Variants in SUPV3L1 observed in about 807,000 individuals in gnomAD.
SUPV3L1 encodes ATP-dependent RNA helicase SUPV3L1, mitochondrial.
In SUPV3L1, 35 loss-of-function variants were observed where a neutral mutation model predicts 70.0. The ratio of observed to expected loss-of-function variants is 0.50; its 90% CI spans 0.38 to 0.66. The LOEUF is 0.66. SUPV3L1 is among the 30% of genes least tolerant of loss of function. The pLI, the probability that SUPV3L1 is intolerant of heterozygous loss-of-function variation, is 0.00. For synonymous variants in SUPV3L1, 364 were observed against 341.9 expected, an observed-to-expected ratio of 1.06 and a Z score of -0.71; for missense variants, 777 against 961.5, an observed-to-expected ratio of 0.81 and a Z score of 2.54.
chr10:69,188,003 G>A (rs1842280201), intron 4 of SUPV3L1, among the ~76,000 whole-genome samples: 2 of 152,128 alleles, frequency 1.3e-5, no homozygotes, highest in South Asian at 4.1e-4. Flanking sequence ...TAAGGATGTT[G>A]TCCTTAAGTG....
At chr10:69,195,576 G>A (rs1176713267) in intron 7 of SUPV3L1, among the ~76,000 whole-genome samples, 2 of 152,096 alleles carry the variant, frequency 1.3e-5, no homozygotes, top group Non-Finnish European at 2.9e-5. Flanking sequence ...TGCATATGGT[G>A]TTTTGAGAAC....
chr10:69,189,646 C>CT (rs34718589), intron 5 of SUPV3L1, among the ~76,000 whole-genome samples: 8,854 of 124,998 alleles, frequency 0.071, 546 homozygotes, highest in South Asian at 0.13. Flanking sequence ...GCTATCAATT[C>CT]TTTTTTTTTT....
chr10:69,186,130 G>T (rs1842221789), intron 2 of SUPV3L1, 66 bp downstream of exon 2: 1 of 1,385,510 alleles, frequency 7.2e-7, no homozygotes, highest in Non-Finnish European at 1.0e-6. Context: ...GGTCAGGACT[G>T]TACGACCCCT....
At chr10:69,194,309 C>T (rs755036688) in intron 6 of SUPV3L1, among the ~76,000 whole-genome samples, 3 of 151,730 alleles carry the variant, frequency 2.0e-5, no homozygotes, top group Non-Finnish European at 4.4e-5. Context: ...GAGTTCGAGA[C>T]CAGCCTGAGT....
intron 5 of SUPV3L1, 21 bp from the exon 6 acceptor site, chr10:69,191,634 G>T: frequency 6.3e-7 from 1 of 1,596,776 alleles, no homozygotes. Context: ...AATAATTCTA[G>T]TTTTTTTTCT....
intron 6 of SUPV3L1, 148 bp from the exon 7 acceptor site, chr10:69,195,040 A>G (rs1842504537): frequency 3.6e-6 from 2 of 556,710 alleles, no homozygotes; most frequent in East Asian, 5.9e-5. Context: ...AGAGGAGGTA[A>G]AACACTTAGA....
rs1247868843 is a variant in SUPV3L1, at chr10:69,193,092, G to GCAAGCAAACAGAAGAAAA, written c.853+1330_853+1347dup. 1.4e-4 allele frequency: 22 copies of GCAAGCAAACAGAAGAAAA among 152,164 alleles called. 1 individual carries two copies. In the South Asian group the frequency reaches 3.9e-3, roughly 27 times the overall value. 9.4% of individuals were successfully genotyped at this position (152,164 alleles called of 1,614,324 possible). A position where few individuals can be genotyped will look rare whatever the true frequency, so the allele number is the denominator to read the frequency against. The stretch of plus-strand genomic sequence containing the variant: ...CATTATTGAAAATATAAAAATGTAA[G>GCAAGCAAACAGAAGAAAA]CAAGCAAACAGAAGAAAACAAATGT... On this transcript the variant is annotated intron_variant, in intron 6 of 14. Transcript: ENST00000359655.
rs201999661 is a variant in SUPV3L1 at position 69,191,776 on chromosome 10, T to C, written c.853+10T>C. ...AGTGTTACAACTCCTTGTATGTATA[T>C]GCTGTTTAAGAAACTATGGTTTGGT... On this transcript the variant is annotated intron_variant, in intron 6 of 14. Transcript: ENST00000359655. 1.4e-4 allele frequency: 221 copies of C among 1,596,826 alleles called. 2 individuals carry two copies. In the Admixed American group the frequency reaches 3.6e-3, roughly 26 times the overall value.
intron 7 of SUPV3L1, among the ~76,000 whole-genome samples, chr10:69,196,504 GAAAA>G (rs570659205): frequency 7.4e-6 from 1 of 134,586 alleles, no homozygotes; most frequent in Non-Finnish European, 1.6e-5. Flanking sequence ...CTGTCTCATG[GAAAA>G]AAAAAAAAAG....
chr10:69,202,560 G>A (rs117761164), intron 12 of SUPV3L1, 41 bp downstream of exon 12: 29,099 of 1,559,778 alleles, frequency 0.019, 354 homozygotes, highest in Non-Finnish European at 0.022. Context: ...TAAAAATGTT[G>A]ATATGTCAGG....
chr10:69,180,623 G>A (rs1842027885), intron 1 of SUPV3L1, 61 bp downstream of exon 1: 2 of 1,587,650 alleles, frequency 1.3e-6, no homozygotes, highest in East Asian at 2.2e-5. Context: ...AGGCTGGTTG[G>A]GAGGAAGCTA....
At chr10:69,180,680 G>A in intron 1 of SUPV3L1, 118 bp downstream of exon 1, 4 of 1,345,460 alleles carry the variant, frequency 3.0e-6, no homozygotes, top group Middle Eastern at 2.2e-4. Flanking sequence ...TGTTGTCATC[G>A]TGCCTCTCAG....
At chr10:69,193,985 C>G (rs565963056) in intron 6 of SUPV3L1, among the ~76,000 whole-genome samples, 1 of 152,208 alleles carries the variant, frequency 6.6e-6, no homozygotes, top group Non-Finnish European at 1.5e-5. Context: ...ATTCCTTCCA[C>G]TTCACTTTCT....
At chr10:69,201,621 A>G (rs911144585) in intron 11 of SUPV3L1, among the ~76,000 whole-genome samples, 20 of 150,996 alleles carry the variant, frequency 1.3e-4, no homozygotes, top group African/African-American at 4.1e-4. Flanking sequence ...GGTAACCCCA[A>G]TCTCCTGAGC....
At chr10:69,199,477 G>A (rs549661667) in intron 10 of SUPV3L1, among the ~76,000 whole-genome samples, 1 of 152,214 alleles carries the variant, frequency 6.6e-6, no homozygotes, top group South Asian at 2.1e-4. Flanking sequence ...GAACTCCTGG[G>A]CCCAAGTGAT....
At chr10:69,203,891 A>G (rs1339580954) in intron 13 of SUPV3L1, among the ~76,000 whole-genome samples, 2 of 150,554 alleles carry the variant, frequency 1.3e-5, no homozygotes, top group South Asian at 4.2e-4. Context: ...ATGCCCAGCT[A>G]ATTTTTGCAT....
intron 12 of SUPV3L1, 119 bp downstream of exon 12, chr10:69,202,638 T>C: frequency 8.5e-7 from 1 of 1,179,978 alleles, no homozygotes; most frequent in East Asian, 2.5e-5. Context: ...TTTATAAAAT[T>C]TATTTTACAA....
intron 4 of SUPV3L1, among the ~76,000 whole-genome samples, 195 bp downstream of exon 4, chr10:69,187,951 G>A (rs1341788307): frequency 6.6e-6 from 1 of 152,058 alleles, no homozygotes; most frequent in Non-Finnish European, 1.5e-5. Context: ...GATTGAGTGT[G>A]GTTTTAGGTT....
chr10:69,191,790 C>A (rs2132280977), intron 6 of SUPV3L1, 24 bp downstream of exon 6: 1 of 1,529,746 alleles, frequency 6.5e-7, no homozygotes, highest in Non-Finnish European at 9.0e-7. Flanking sequence ...GTTTAAGAAA[C>A]TATGGTTTGG....
Sources: allele counts gnomAD v4.1 joint callset (sites outside exome capture counted in the v4.1 genomes callset), GRCh38; gene constraint gnomAD v4.1.1; transcripts MANE v1.5; gene names NCBI Gene and HGNC (gene_info 2026-07-23, HGNC 2026-07-21).